Variants in CREB3 observed in about 807,000 individuals in gnomAD.
CREB3 encodes cyclic AMP-responsive element-binding protein 3.
Under a neutral mutation model 34.5 loss-of-function variants are expected in CREB3, and 29 were observed. That is an observed-to-expected ratio of 0.84 (90% CI 0.63 to 1.15). The LOEUF (loss-of-function observed/expected upper bound fraction) is 1.15. Among genes scored for constraint, CREB3 ranks in the 50% most tolerant of loss-of-function variants. The pLI is 0.00. For synonymous variants in CREB3, 187 were observed against 173.9 expected (o/e 1.08, Z -0.59); for missense variants, 447 against 443.4 (o/e 1.01, Z -0.07).
rs1320457103 is a variant in CREB3 at position 35,732,859 on chromosome 9, G to A, written c.87G>A (p.Glu29=). ...GAGATTTGGGGACGGCACCCGATGA[G>A]GCCGTGAGGGCCCCACTGGACTGGG... ...ESGDLGTAPD[E]AVRAPLDWAL... The change falls in exon 1 of 9, where the codon GAG becomes GAA. Residue 29 remains glutamate (E), a synonymous_variant. Transcript: ENST00000353704. This position sits in a 1 kb window ranked among gnomAD's most constrained non-coding sequence, Gnocchi z 5.1. 1 of 1,614,234 alleles carries A rather than the reference G, an allele frequency of 6.2e-7. No individual in the cohort carries two copies. The highest frequency in any genetic ancestry group is 1.7e-5 in the Admixed American group (1 of 60,024).
In CREB3 at chr9:35,736,044, C is replaced by T. The variant is rs552851116; in HGVS notation, c.612-4C>T. ...GCTCACTATTGGCCCCTCTCTTCCT[C>T]TAGGTCCCTTCTAGATCAACTGAGG... is the stretch of plus-strand genomic sequence containing the variant. On this transcript the variant is annotated splice_region_variant and splice_polypyrimidine_tract_variant and intron_variant, in intron 6 of 8. Transcript: ENST00000353704. 6.8e-6 allele frequency: 11 copies of T among 1,612,474 alleles called. No individual in the cohort carries two copies. The highest frequency in any genetic ancestry group is 5.3e-5 in the African/African-American group (4 of 74,988).
intron 4 of CREB3, 74 bp downstream of exon 4, chr9:35,733,559 A>G: frequency 4.0e-6 from 4 of 993,252 alleles, no homozygotes; most frequent in Non-Finnish European, 6.3e-6. Context: ...TGTTAACTTT[A>G]TATCAATAAC....
Position 35,735,113 on chromosome 9 carries a change from A to T in CREB3, c.440A>T (p.Glu147Val). The T allele has an allele frequency of 6.3e-7, 1 of 1,599,468 alleles. No homozygotes were observed. Among genetic ancestry groups the T allele is most frequent in the South Asian group, 1.1e-5 (1 of 87,484 alleles). Residue 147 changes from glutamate to valine, a missense_variant, in exon 5 of 9, where the codon GAG becomes GTG. Transcript: ENST00000353704. The part of the protein sequence containing the change: ...LPETLPLTKT[E>V]EQILKRVRRK... ...CCTTTCCCTGTTTCCTTTCAGACAG[A>T]GGAACAAATTCTGAAACGTGTGCGG...
At position 35,736,969 on chromosome 9, in the gene CREB3, G is replaced by T; in HGVS notation, c.*243G>T. 1.2e-6 allele frequency: 1 copy of T among 863,522 alleles called. No homozygotes were observed. Among genetic ancestry groups the T allele is most frequent in the Non-Finnish European group, 1.7e-6 (1 of 576,250 alleles). The allele number at this position is 863,522 out of a possible 1,614,324, so 53.5% of individuals were successfully genotyped here. A position where few individuals can be genotyped will look rare whatever the true frequency, so the allele number is the denominator to read the frequency against. ...GAACATTTCACGCAGTCAGGGAACA[G>T]GTGAGGAAAGAAATAAATAAGTGAT... On this transcript the variant is annotated 3_prime_UTR_variant, in exon 9 of 9. Coordinates refer to ENST00000353704, the MANE Select transcript of CREB3 (RefSeq NM_006368.5).
At chr9:35,733,523 A>G (rs981246602) in intron 4 of CREB3, 38 bp downstream of exon 4, 59 of 1,488,072 alleles carry the variant, frequency 4.0e-5, no homozygotes, top group Non-Finnish European at 5.1e-5. Context: ...CTGAAAAGGG[A>G]TTAAAAGTCC....
rs779803548 is a variant in CREB3 at position 35,736,087 on chromosome 9, G to A, written c.651G>A (p.Val217=). The A allele has an allele frequency of 2.5e-6, 4 of 1,613,972 alleles. No homozygotes were observed. The highest frequency in any genetic ancestry group is 1.7e-5 in the Admixed American group (1 of 59,996). ...AACTGAGGAAACTCCAGGCCATGGT[G>A]ATTGAGATATCAAACAAAACCAGCA... ...LDQLRKLQAM[V]IEISNKTSSS... Residue 217 remains valine, a synonymous_variant, in exon 7 of 9, where the codon GTG becomes GTA. Coordinates refer to ENST00000353704, the MANE Select transcript of CREB3 (RefSeq NM_006368.5).
intron 4 of CREB3, among the ~76,000 whole-genome samples, chr9:35,734,442 ATT>A (rs1021063708): frequency 6.6e-6 from 1 of 152,024 alleles, no homozygotes; most frequent in African/African-American, 2.4e-5. Context: ...TGAGTTAAAA[ATT>A]TTGTCTTTTT....
intron 6 of CREB3, 136 bp downstream of exon 6, chr9:35,735,510 T>A: frequency 1.3e-6 from 1 of 741,396 alleles, no homozygotes; most frequent in Non-Finnish European, 2.3e-6. Flanking sequence ...CTCCCAGTAG[T>A]GAGGAATACA....
chr9:35,734,889 G>C (rs1333028315), intron 4 of CREB3, among the ~76,000 whole-genome samples: 1 of 152,196 alleles, frequency 6.6e-6, no homozygotes, highest in Non-Finnish European at 1.5e-5. Context: ...CACGTCGCCT[G>C]AATACTGCCC....
Position 35,735,132 on chromosome 9 carries a change from T to C in CREB3, c.459T>C (p.Arg153=), listed in dbSNP as rs759752250. ...AGACAGAGGAACAAATTCTGAAACG[T>C]GTGCGGAGGAAGATTCGAAATAAAA... The part of the protein sequence containing the change: ...LTKTEEQILK[R]VRRKIRNKRS... Residue 153 remains arginine, a synonymous_variant, in exon 5 of 9, where the codon CGT becomes CGC. Coordinates refer to ENST00000353704, the MANE Select transcript of CREB3 (RefSeq NM_006368.5). The C allele has an allele frequency of 6.2e-7, 1 of 1,602,710 alleles. No homozygotes were observed. Among genetic ancestry groups the C allele is most frequent in the South Asian group, 1.1e-5 (1 of 88,146 alleles).
At chr9:35,735,073 TC>T (rs1195481686) in intron 4 of CREB3, 35 bp from the exon 5 acceptor site, 3 of 1,544,780 alleles carry the variant, frequency 1.9e-6, no homozygotes, top group Non-Finnish European at 2.6e-6. Context: ...TTTCTAGAGT[TC>T]CTCTAATGAT....
Position 35,735,175 on chromosome 9 carries a change from C to A in CREB3, c.502C>A (p.Arg168Ser), listed in dbSNP as rs780844421. The change falls in exon 5 of 9, where the codon CGC becomes AGC. Residue 168 changes from arginine (R) to serine (S), a missense_variant. Physicochemically the swap from Arg to Ser is moderately radical, Grantham distance 110 (BLOSUM62 -1). Transcript: ENST00000353704. The stretch of plus-strand genomic sequence containing the variant: ...AAATAAAAGATCTGCTCAAGAGAGC[C>A]GCAGGAAAAAGAAGGTGTATGTTGG... The part of the protein sequence containing the change: ...IRNKRSAQES[R>S]RKKKVYVGGL... 2.5e-6 allele frequency: 4 copies of A among 1,602,568 alleles called. No homozygotes were observed. Among genetic ancestry groups the A allele is most frequent in the African/African-American group, 1.4e-5 (1 of 73,814 alleles).
chr9:35,733,280 C>T lies in CREB3; in HGVS notation c.343C>T (p.Gln115Ter). The change falls in exon 3 of 9, where the codon CAG becomes TAG. Residue 115 changes from glutamine to a stop codon, truncating the protein, a stop_gained and splice_region_variant. Transcript: ENST00000353704. LOFTEE classifies it high-confidence loss of function. ...ACAGCATATGGAGGAGCTGGCAGAG[C>T]AGGTACTTGACTTGATTTTCAGGAG... The part of the protein sequence containing the change: ...TPQHMEELAE[Q>*]EIARLVLTDE... 6.2e-7 allele frequency: 1 copy of T among 1,614,180 alleles called. No homozygotes were observed. The highest frequency in any genetic ancestry group is 8.5e-7 in the Non-Finnish European group (1 of 1,180,016).
chr9:35,732,800 C>G lies in CREB3; in HGVS notation c.28C>G (p.Gln10Glu). Residue 10 changes from glutamine (Q) to glutamate (E), a missense_variant, in exon 1 of 9, where the codon CAA becomes GAA. Transcript: ENST00000353704. The surrounding 1 kb of genome is among the most constrained non-coding windows in gnomAD (Gnocchi z 5.1). ...GGAGCTGGAATTGGATGCTGGTGAC[C>G]AAGACCTGCTGGCCTTCCTGCTAGA... MELELDAGD[Q>E]DLLAFLLEES... 6.2e-7 allele frequency: 1 copy of G among 1,613,702 alleles called. No individual in the cohort carries two copies. The highest frequency in any genetic ancestry group is 8.5e-7 in the Non-Finnish European group (1 of 1,179,752).
Position 35,736,684 on chromosome 9 carries a change from T to A in CREB3, c.1074T>A (p.Thr358=). 6.2e-7 allele frequency: 1 copy of A among 1,611,944 alleles called. No individual in the cohort carries two copies. ...CAAGGAAGGGAGGATGGCTTCCTAC[T>A]GGTAGCCCCTCTGTCATTTTGCAGG... The part of the protein sequence containing the change: ...NLTRKGGWLP[T]GSPSVILQDR... Residue 358 remains threonine, a synonymous_variant, in exon 9 of 9, where the codon ACT becomes ACA. Coordinates refer to ENST00000353704, the MANE Select transcript of CREB3 (RefSeq NM_006368.5).
At chr9:35,734,881 C>T (rs1039110600) in intron 4 of CREB3, among the ~76,000 whole-genome samples, 2 of 152,168 alleles carry the variant, frequency 1.3e-5, no homozygotes, top group Non-Finnish European at 2.9e-5. Flanking sequence ...GCATGAGCCA[C>T]GTCGCCTGAA....
rs1826215743 is a variant in CREB3 at position 35,736,515 on chromosome 9, T to C, written c.905T>C (p.Leu302Pro). 1.2e-6 allele frequency: 2 copies of C among 1,614,050 alleles called. No individual in the cohort carries two copies. The highest frequency in any genetic ancestry group is 1.7e-6 in the Non-Finnish European group (2 of 1,180,032). The change falls in exon 9 of 9, where the codon CTC (leucine) becomes CCC (proline). Residue 302 changes from leucine to proline, a missense_variant. Leu to Pro is a moderately conservative substitution (Grantham distance 98, BLOSUM62 -3). Transcript: ENST00000353704. ...HQWLDGSDCV[L>P]QAPGNTSCLL... The stretch of plus-strand genomic sequence containing the variant: ...TGGTTGGACGGCTCAGACTGTGTAC[T>C]CCAGGCCCCTGGCAACACTTCCTGC...
chr9:35,735,133 G>A lies in CREB3; in HGVS notation c.460G>A (p.Val154Met), dbSNP rs1289525482. The A allele has an allele frequency of 3.7e-6, 6 of 1,603,598 alleles. No homozygotes were observed. Among genetic ancestry groups the A allele is most frequent in the Non-Finnish European group, 5.1e-6 (6 of 1,177,606 alleles). The part of the protein sequence containing the change: ...TKTEEQILKR[V>M]RRKIRNKRSA... ...GACAGAGGAACAAATTCTGAAACGT[G>A]TGCGGAGGAAGATTCGAAATAAAAG... The change falls in exon 5 of 9, where the codon GTG (valine) becomes ATG (methionine). Residue 154 changes from valine to methionine, a missense_variant. Transcript: ENST00000353704.
In CREB3 at chr9:35,735,405, A is replaced by C. The variant is rs757007586; in HGVS notation, c.611+31A>C. ...TATCCCTCCAAACCATTCCCTTCCT[A>C]TGCCCCTCATTTAATGCTTTCTCAC... On this transcript the variant is annotated intron_variant, in intron 6 of 8. Transcript: ENST00000353704. 5 of 1,575,018 alleles carry C rather than the reference A, an allele frequency of 3.2e-6. No homozygotes were observed. The South Asian group carries it at 5.5e-5, about 17-fold the overall frequency.
Sources: gnomAD v4.1 joint callset for allele counts (sites outside exome capture counted in the v4.1 genomes callset) on GRCh38, gnomAD v4.1.1 for gene constraint, Gnocchi (gnomAD v3.1) non-coding constraint, MANE v1.5 for transcripts, NCBI Gene and HGNC (gene_info 2026-07-23, HGNC 2026-07-21) for gene names.